TMEM131L: variants seen among roughly 807,000 people sequenced by gnomAD.
The protein encoded by TMEM131L is transmembrane 131 like.
Under a neutral mutation model 192.2 loss-of-function variants are expected in TMEM131L, and 54 were observed. The ratio of observed to expected loss-of-function variants is 0.28; its 90% CI spans 0.23 to 0.35. The LOEUF (loss-of-function observed/expected upper bound fraction) is 0.35. Ranked by LOEUF, TMEM131L falls within the 10% of genes least tolerant of loss-of-function variation. The pLI is 1.00. For missense variants in TMEM131L, 1,888 were observed against 1,972.9 expected (o/e 0.96, Z 0.82); for synonymous variants, 701 against 704.9 (o/e 0.99, Z 0.09).
intron 33 of TMEM131L, among the ~76,000 whole-genome samples, chr4:153,634,758 A>G (rs758009210): frequency 6.6e-6 from 1 of 152,196 alleles, no homozygotes; most frequent in Non-Finnish European, 1.5e-5. Flanking sequence ...AAAATTGCAG[A>G]TGCTTGGGCT....
At chr4:153,541,831 G>A (rs1736802941) in intron 3 of TMEM131L, among the ~76,000 whole-genome samples, 1 of 152,236 alleles carries the variant, frequency 6.6e-6, no homozygotes, top group Non-Finnish European at 1.5e-5. Context: ...ATAGACTGCT[G>A]AGAACCCCAC....
At chr4:153,507,120 G>T (rs1734045775) in intron 3 of TMEM131L, among the ~76,000 whole-genome samples, 1 of 152,168 alleles carries the variant, frequency 6.6e-6, no homozygotes, top group African/African-American at 2.4e-5. Flanking sequence ...AAGTCAAACT[G>T]CAGTATAGGC....
intron 25 of TMEM131L, among the ~76,000 whole-genome samples, chr4:153,606,909 T>G (rs963986716): frequency 1.3e-5 from 2 of 152,196 alleles, no homozygotes; most frequent in Admixed American, 1.3e-4. Flanking sequence ...AAGTTATATG[T>G]TAGCAGGAGA....
intron 18 of TMEM131L, among the ~76,000 whole-genome samples, chr4:153,592,946 C>T (rs1455206276): frequency 6.6e-6 from 1 of 152,076 alleles, no homozygotes; most frequent in Non-Finnish European, 1.5e-5. Context: ...TCCAATTGGC[C>T]CTCCATATCT....
intron 11 of TMEM131L, among the ~76,000 whole-genome samples, chr4:153,584,449 G>A (rs1226851139): frequency 6.6e-6 from 1 of 152,192 alleles, no homozygotes; most frequent in African/African-American, 2.4e-5. Flanking sequence ...CCTAATCAAG[G>A]AGAGCTTAAA....
Position 153,612,235 on chromosome 4 carries a change from G to A in TMEM131L, c.3419-17G>A. ...GAAACTATTAGCTAGAAATTGAATTGTTTTTGTTTATTAAAGGGAATAACC... is the reference window on the plus strand; with the variant it reads ...GAAACTATTAGCTAGAAATTGAATTATTTTTGTTTATTAAAGGGAATAACC... On this transcript the variant is annotated splice_polypyrimidine_tract_variant and intron_variant, in intron 25 of 34. Transcript: ENST00000409959. The A allele has an allele frequency of 6.6e-7, 1 of 1,506,332 alleles. No individual in the cohort carries two copies. The highest frequency in any genetic ancestry group is 8.8e-7 in the Non-Finnish European group (1 of 1,130,730). 93.3% of individuals were successfully genotyped at this position (1,506,332 alleles called of 1,614,324 possible).
chr4:153,551,653 G>A (rs1561184419), intron 4 of TMEM131L, among the ~76,000 whole-genome samples: 1 of 152,064 alleles, frequency 6.6e-6, no homozygotes, highest in Non-Finnish European at 1.5e-5. Flanking sequence ...ACCGCACCCA[G>A]CCTGAACTTG....
chr4:153,620,967 G>A (rs769962534), intron 27 of TMEM131L, 87 bp downstream of exon 27: 44 of 945,034 alleles, frequency 4.7e-5, no homozygotes, highest in South Asian at 3.4e-4. Flanking sequence ...AACTTATTTC[G>A]GTGATATTAG....
At chr4:153,634,981 C>G (rs917984265) in intron 33 of TMEM131L, among the ~76,000 whole-genome samples, 5 of 152,128 alleles carry the variant, frequency 3.3e-5, no homozygotes, top group Non-Finnish European at 7.3e-5. Context: ...TTGTGAGGGT[C>G]TGTGTTCATT....
chr4:153,539,189 A>G (rs1379026065), intron 3 of TMEM131L, among the ~76,000 whole-genome samples: 7 of 152,190 alleles, frequency 4.6e-5, no homozygotes, highest in Non-Finnish European at 8.8e-5. Flanking sequence ...AGGCGGAAAA[A>G]AACCCAACAA....
chr4:153,626,725 A>G (rs959129650), intron 30 of TMEM131L, among the ~76,000 whole-genome samples: 10 of 152,230 alleles, frequency 6.6e-5, no homozygotes, highest in Non-Finnish European at 1.3e-4. Flanking sequence ...TGATCACACC[A>G]CTACACTCTA....
At chr4:153,514,370 C>T (rs1459060338) in intron 3 of TMEM131L, among the ~76,000 whole-genome samples, 3 of 152,090 alleles carry the variant, frequency 2.0e-5, no homozygotes, top group East Asian at 1.9e-4. Flanking sequence ...GCATTTGTCT[C>T]GGCTGAGTAG....
At chr4:153,480,028 A>G (rs908486772) in intron 3 of TMEM131L, among the ~76,000 whole-genome samples, 1 of 152,220 alleles carries the variant, frequency 6.6e-6, no homozygotes, top group Non-Finnish European at 1.5e-5. Context: ...AAAATAGTGA[A>G]ACACCGTCTC....
chr4:153,519,385 G>A (rs537701462), intron 3 of TMEM131L, among the ~76,000 whole-genome samples: 4 of 152,282 alleles, frequency 2.6e-5, no homozygotes, highest in Non-Finnish European at 5.9e-5. Context: ...CCAGATGGAC[G>A]AATCTTTCAC....
Position 153,602,161 on chromosome 4 carries a change from A to C in TMEM131L, c.2276A>C (p.Asp759Ala). ...TTTTGGTTCCCATTAGAACTGAAAG[A>C]CAGTAAGCAAATTTTATCTATTACA... ...TLMDCRRQLK[D>A]SKQILSITKN... Residue 759 changes from aspartate to alanine, a missense_variant, in exon 22 of 35, where the codon GAC becomes GCC. Asp to Ala is a moderately radical substitution (Grantham distance 126). Transcript: ENST00000409959. 6.3e-7 allele frequency: 1 copy of C among 1,585,770 alleles called. No homozygotes were observed. The highest frequency in any genetic ancestry group is 8.6e-7 in the Non-Finnish European group (1 of 1,163,470).
rs758066321 is a variant in TMEM131L at position 153,627,602 on chromosome 4, C to T, written c.4125-3C>T. 4 of 1,613,382 alleles carry T rather than the reference C, an allele frequency of 2.5e-6. No homozygotes were observed. The East Asian group carries it at 8.9e-5, about 36-fold the overall frequency. On this transcript the variant is annotated splice_polypyrimidine_tract_variant and splice_region_variant and intron_variant, in intron 30 of 34. Coordinates refer to ENST00000409959, the MANE Select transcript of TMEM131L (RefSeq NM_001131007.2). The stretch of plus-strand genomic sequence containing the variant: ...CGTTCCTCCTTTGCCCTCTTCCCCA[C>T]AGGACCGTGAATAGTCTCCCACAAT...
intron 26 of TMEM131L, among the ~76,000 whole-genome samples, chr4:153,620,144 T>C (rs11099891): frequency 0.43 from 65,675 of 152,114 alleles, 15,740 homozygotes; most frequent in Non-Finnish European, 0.54. Flanking sequence ...ATGCCTGACA[T>C]TGAAAAGAGG....
chr4:153,600,368 GAAA>G (rs34507956), intron 21 of TMEM131L, among the ~76,000 whole-genome samples: 5 of 125,748 alleles, frequency 4.0e-5, no homozygotes, highest in Non-Finnish European at 6.7e-5. Flanking sequence ...CCCTGTCTCA[GAAA>G]AAAAAAAAAA....
chr4:153,627,563 C>T, intron 30 of TMEM131L, 42 bp from the exon 31 acceptor site: 2 of 1,478,420 alleles, frequency 1.4e-6, no homozygotes, highest in Non-Finnish European at 1.9e-6. Context: ...TTTCCTCGTG[C>T]AGAAAAAATG....
Sources: allele counts gnomAD v4.1 joint callset (sites outside exome capture counted in the v4.1 genomes callset), GRCh38; gene constraint gnomAD v4.1.1; transcripts MANE v1.5; gene names NCBI Gene and HGNC (gene_info 2026-07-23, HGNC 2026-07-21).